BBS9: variants seen among roughly 807,000 people sequenced by gnomAD.
BBS9 encodes Bardet-Biedl syndrome 9.
A neutral mutation model predicts 117.7 loss-of-function variants in BBS9; 89 were observed. The observed-to-expected ratio is 0.76, with a 90% CI of 0.64 to 0.90. The LOEUF (loss-of-function observed/expected upper bound fraction) is 0.90, where lower values mean the gene tolerates loss of function less well. Ranked by LOEUF, BBS9 falls within the 40% of genes least tolerant of loss-of-function variation. The pLI is 0.00. For synonymous variants in BBS9, 379 were observed against 370.9 expected (o/e 1.02, Z -0.25); for missense variants, 982 against 1,042.2 (o/e 0.94, Z 0.80).
rs75101835 is a variant in BBS9 at position 33,168,418 on chromosome 7, C to T, written c.329-9060C>T. Among the ~76,000 whole-genome samples the T allele has an allele frequency of 6.4e-4, 97 of 152,314 alleles. 1 individual carries two copies. The East Asian group carries it at 7.7e-3, about 12-fold the overall frequency. Reference sequence around the variant, plus strand: ...AAGACCTAAGACAGCATGACAGATCCTATCTCTTTTTCCTCCTCCTTTTTT... The same window carrying T: ...AAGACCTAAGACAGCATGACAGATCTTATCTCTTTTTCCTCCTCCTTTTTT... On this transcript the variant is annotated intron_variant, in intron 4 of 22. Transcript: ENST00000242067.
rs148232898 is a variant in BBS9 at position 33,383,669 on chromosome 7, G to T, written c.1793G>T (p.Arg598Leu). 8.1e-6 allele frequency: 13 copies of T among 1,603,994 alleles called. No homozygotes were observed. Among genetic ancestry groups the T allele is most frequent in the East Asian group, 4.5e-5 (2 of 44,782 alleles). The change falls in exon 18 of 23, where the codon CGA (arginine) becomes CTA (leucine). Residue 598 changes from arginine (R) to leucine (L), a missense_variant. Coordinates refer to ENST00000242067, the MANE Select transcript of BBS9 (RefSeq NM_198428.3). Reference protein sequence around the residue: ...ITVLASKTSQRYRIQSEQFED... With the variant: ...ITVLASKTSQLYRIQSEQFED... ...TTCCTTAATTTTTTTCTCTCAGAACGATATCGCATTCAGAGTGAACAATTT... is the reference window on the plus strand; with the variant it reads ...TTCCTTAATTTTTTTCTCTCAGAACTATATCGCATTCAGAGTGAACAATTT...
At position 33,421,505 on chromosome 7, in the gene BBS9, A is replaced by T. The variant is rs571218285; in HGVS notation, c.2115+33361A>T. Reference sequence around the variant, plus strand: ...TAGAAATGTATAAACCTCCATGAGAACGTTTTAACCAGATGTAGCAAAGAC... The same window carrying T: ...TAGAAATGTATAAACCTCCATGAGATCGTTTTAACCAGATGTAGCAAAGAC... On this transcript the variant is annotated intron_variant, in intron 19 of 22. Transcript: ENST00000242067. 2.6e-5 allele frequency among the ~76,000 whole-genome samples: 4 copies of T among 152,314 alleles called. No homozygotes were observed. In the East Asian group the frequency reaches 5.8e-4, roughly 22 times the overall value.
chr7:33,379,287 T>C (rs1432389450), intron 17 of BBS9, among the ~76,000 whole-genome samples: 1 of 152,220 alleles, frequency 6.6e-6, no homozygotes, highest in African/African-American at 2.4e-5. Context: ...GGCCAGATGA[T>C]ACAGTTCTTT....
At chr7:33,311,823 A>C (rs1338361686) in intron 9 of BBS9, among the ~76,000 whole-genome samples, 1 of 152,036 alleles carries the variant, frequency 6.6e-6, no homozygotes. Flanking sequence ...TCTCAAAAAA[A>C]AAAAAGTGTC....
chr7:33,574,652 T>A (rs1858402469), intron 21 of BBS9, among the ~76,000 whole-genome samples: 1 of 150,376 alleles, frequency 6.6e-6, no homozygotes, highest in Admixed American at 6.7e-5. Flanking sequence ...CAGGGAAGAA[T>A]AAGTACTTCA....
intron 9 of BBS9, among the ~76,000 whole-genome samples, chr7:33,286,240 A>G (rs1372155255): frequency 1.3e-5 from 2 of 152,112 alleles, no homozygotes; most frequent in African/African-American, 4.8e-5. Flanking sequence ...TCTCCAAGAA[A>G]ATAATTTATA....
intron 9 of BBS9, among the ~76,000 whole-genome samples, chr7:33,320,690 A>G (rs750296450): frequency 2.6e-5 from 4 of 152,128 alleles, no homozygotes; most frequent in Admixed American, 6.5e-5. Context: ...TGGTTGTACT[A>G]ATTTTCATTT....
chr7:33,379,462 G>GT (rs1476780594), intron 17 of BBS9, among the ~76,000 whole-genome samples: 1 of 151,998 alleles, frequency 6.6e-6, no homozygotes, highest in Admixed American at 6.6e-5. Flanking sequence ...CTAACCCCAA[G>GT]TTTTTTCTAT....
In BBS9 at chr7:33,521,071, C is replaced by T. The variant is rs79274563; in HGVS notation, c.2299-12883C>T. On this transcript the variant is annotated intron_variant, in intron 20 of 22. Transcript: ENST00000242067. ...CCTGAACTAAACTTTAATGCTTAGT[C>T]AAGGTGACTGGCTCCATCAGACATC... 4.2e-3 allele frequency among the ~76,000 whole-genome samples: 646 copies of T among 152,214 alleles called. 4 individuals carry two copies. Among genetic ancestry groups the T allele is most frequent in the African/African-American group, 0.015 (626 of 41,516 alleles).
chr7:33,280,115 T>TAA (rs1801526865), intron 9 of BBS9, among the ~76,000 whole-genome samples: 1 of 152,238 alleles, frequency 6.6e-6, no homozygotes, highest in Admixed American at 6.5e-5. Flanking sequence ...AATAGTCACT[T>TAA]ATTTTAAATT....
At chr7:33,444,354 A>G (rs1836667659) in intron 19 of BBS9, among the ~76,000 whole-genome samples, 1 of 152,202 alleles carries the variant, frequency 6.6e-6, no homozygotes, top group Admixed American at 6.5e-5. Flanking sequence ...TAGTCACTAA[A>G]TATGATTAGT....
rs764681493 is a variant in BBS9 at position 33,167,505 on chromosome 7, C to T, written c.329-9973C>T. ...GCAACCTCTGCCTCCCGGGTTCAAG[C>T]GACTCTCCTGCCTCAGCCTCCTGGG... On this transcript the variant is annotated intron_variant, in intron 4 of 22. Transcript: ENST00000242067. Among the ~76,000 whole-genome samples the T allele has an allele frequency of 1.5e-4, 22 of 150,992 alleles. No individual in the cohort carries two copies. The East Asian group carries it at 1.8e-3, about 12-fold the overall frequency.
At chr7:33,179,892 A>G (rs1385560671) in intron 5 of BBS9, among the ~76,000 whole-genome samples, 1 of 152,176 alleles carries the variant, frequency 6.6e-6, no homozygotes, top group Admixed American at 6.5e-5. Flanking sequence ...ATTTCTCTTC[A>G]AAGAATCAGT....
intron 21 of BBS9, among the ~76,000 whole-genome samples, chr7:33,546,010 T>G (rs1853294944): frequency 7.5e-6 from 1 of 133,938 alleles, no homozygotes; most frequent in East Asian, 2.5e-4. Context: ...TTTGGCTCAC[T>G]GCAAGCTCCG....
Position 33,273,884 on chromosome 7 carries a change from A to G in BBS9, c.944A>G (p.Tyr315Cys). Residue 315 changes from tyrosine to cysteine, a missense_variant, in exon 9 of 23, where the codon TAT (tyrosine) becomes TGT (cysteine). Tyr to Cys is a radical substitution (Grantham distance 194). Coordinates refer to ENST00000242067, the MANE Select transcript of BBS9 (RefSeq NM_198428.3). ...IGNHNNMLHI[Y>C]QDVTLKWATQ... ...AATCATAATAACATGCTGCATATTT[A>G]TCAAGATGTGACACTGAAGTGGGCC... 1 of 1,611,380 alleles carries G rather than the reference A, an allele frequency of 6.2e-7. No individual in the cohort carries two copies. The highest frequency in any genetic ancestry group is 8.5e-7 in the Non-Finnish European group (1 of 1,177,682).
chr7:33,383,398 G>C (rs1242795443), intron 17 of BBS9, among the ~76,000 whole-genome samples: 3 of 152,098 alleles, frequency 2.0e-5, no homozygotes, highest in Admixed American at 6.6e-5. Context: ...TTGTACTGAA[G>C]CCTATTATAA....
At chr7:33,553,047 T>C (rs768066684) in intron 21 of BBS9, among the ~76,000 whole-genome samples, 2 of 152,148 alleles carry the variant, frequency 1.3e-5, no homozygotes, top group African/African-American at 4.8e-5. Flanking sequence ...CCTTGAATAC[T>C]GTCCTCTATC....
In BBS9 at chr7:33,383,663, C is replaced by T. The variant is rs1315285677; in HGVS notation, c.1790-3C>T. 2 of 1,600,606 alleles carry T rather than the reference C, an allele frequency of 1.2e-6. No individual in the cohort carries two copies. The highest frequency in any genetic ancestry group is 1.7e-5 in the Admixed American group (1 of 58,840). ...GCATTTTTCCTTAATTTTTTTCTCT[C>T]AGAACGATATCGCATTCAGAGTGAA... On this transcript the variant is annotated splice_region_variant and splice_polypyrimidine_tract_variant and intron_variant, in intron 17 of 22. Transcript: ENST00000242067.
chr7:33,293,843 T>C (rs1804601302), intron 9 of BBS9, among the ~76,000 whole-genome samples: 1 of 152,200 alleles, frequency 6.6e-6, no homozygotes, highest in African/African-American at 2.4e-5. Flanking sequence ...ATTATATACC[T>C]CTTTATTTCA....
Sources: allele counts gnomAD v4.1 joint callset (sites outside exome capture counted in the v4.1 genomes callset), GRCh38; gene constraint gnomAD v4.1.1; transcripts MANE v1.5; gene names NCBI Gene and HGNC (gene_info 2026-07-23, HGNC 2026-07-21).